MYO18B: variants seen among roughly 807,000 people sequenced by gnomAD.
MYO18B encodes unconventional myosin-XVIIIb.
In MYO18B, 204 loss-of-function variants were observed where a neutral mutation model predicts 273.0. That is an observed-to-expected ratio of 0.75 (90% confidence interval 0.67 to 0.84). The LOEUF is 0.84. MYO18B is among the 40% of genes least tolerant of loss of function. MYO18B has a pLI of 0.00. For synonymous variants in MYO18B, 1,330 were observed against 1,305.7 expected (o/e 1.02, Z -0.40); for missense variants, 3,212 against 3,287.6 (o/e 0.98, Z 0.56).
intron 12 of MYO18B, among the ~76,000 whole-genome samples, chr22:25,822,676 G>C (rs1178699956): frequency 1.3e-5 from 2 of 152,218 alleles, no homozygotes; most frequent in Non-Finnish European, 2.9e-5. Context: ...AAAGAAGGAA[G>C]AGGTTTATTT....
chr22:26,022,619 A>G (rs1340747911), intron 42 of MYO18B, among the ~76,000 whole-genome samples: 1 of 150,912 alleles, frequency 6.6e-6, no homozygotes, highest in Non-Finnish European at 1.5e-5. Flanking sequence ...CTCGACCCCT[A>G]CTGCTCCTCT....
intron 35 of MYO18B, among the ~76,000 whole-genome samples, chr22:25,946,981 G>T (rs766313963): frequency 3.3e-5 from 5 of 152,114 alleles, no homozygotes; most frequent in Non-Finnish European, 7.4e-5. Flanking sequence ...GGTGTACAGG[G>T]TTGGCTTAGA....
At chr22:25,990,686 C>CAAAAAAAAAAAAAAAAAAAAA (rs745998234) in intron 39 of MYO18B, among the ~76,000 whole-genome samples, 5 of 27,038 alleles carry the variant, frequency 1.8e-4, no homozygotes, top group Admixed American at 9.5e-4. Context: ...GACTTTGTCT[C>CAAAAAAAAAAAAAAAAAAAAA]AAAAAAAAAA....
intron 35 of MYO18B, among the ~76,000 whole-genome samples, chr22:25,946,610 T>C (rs529394603): frequency 6.6e-6 from 1 of 152,304 alleles, no homozygotes; most frequent in African/African-American, 2.4e-5. Flanking sequence ...CTCAGTGCTG[T>C]GAATGTGCAT....
At chr22:25,964,295 A>G (rs1164442396) in intron 39 of MYO18B, 1 of 152,132 alleles carries the variant, frequency 6.6e-6, no homozygotes, top group Non-Finnish European at 1.5e-5. Flanking sequence ...TTTGAGCCTC[A>G]CCGTTGGAGG....
intron 39 of MYO18B, among the ~76,000 whole-genome samples, chr22:25,989,283 A>G (rs1031182260): frequency 6.6e-6 from 1 of 152,180 alleles, no homozygotes; most frequent in African/African-American, 2.4e-5. Flanking sequence ...CAGACAGGTC[A>G]TTTGGTTAGA....
intron 39 of MYO18B, among the ~76,000 whole-genome samples, chr22:25,979,524 TG>T (rs1015396680): frequency 2.6e-5 from 4 of 152,122 alleles, no homozygotes; most frequent in Admixed American, 6.6e-5. Flanking sequence ...TGTTTGCATC[TG>T]GGGGTTTTGT....
intron 40 of MYO18B, among the ~76,000 whole-genome samples, chr22:26,000,470 C>A (rs1336366269): frequency 2.6e-5 from 4 of 151,970 alleles, no homozygotes; most frequent in African/African-American, 9.7e-5. Context: ...TTTCCAGGAC[C>A]AATAACCTGT....
At chr22:26,031,872 T>C (rs58463868), downstream of MYO18B, among the ~76,000 whole-genome samples, 8 of 152,080 alleles carry the variant, frequency 5.3e-5, no homozygotes, top group Admixed American at 2.6e-4. Flanking sequence ...CTCCCACTTA[T>C]TGAATCCACC....
At chr22:25,921,474 C>A in intron 34 of MYO18B, 65 bp downstream of exon 34, 1 of 1,534,322 alleles carries the variant, frequency 6.5e-7, no homozygotes, top group South Asian at 1.2e-5. Flanking sequence ...CAGAGAATTG[C>A]TGTCCCTCCC....
At chr22:26,022,506 A>G (rs1601854140) in intron 42 of MYO18B, among the ~76,000 whole-genome samples, 5 of 152,292 alleles carry the variant, frequency 3.3e-5, no homozygotes, top group Admixed American at 3.3e-4. Flanking sequence ...GCAGACAGGA[A>G]GTAGAAAAAG....
At chr22:26,044,738 C>G in the MYO18B span, among the ~76,000 whole-genome samples, 56,582 of 152,144 alleles carry the variant, frequency 0.37, 15,968 homozygotes, top group African/African-American at 0.79. Context: ...AAGACTCTCA[C>G]TTCTGACGTG....
chr22:25,876,238 TC>T lies in MYO18B; in HGVS notation c.4131del (p.Ala1378GlnfsTer37). The T allele has an allele frequency of 1.9e-6, 3 of 1,613,574 alleles. No individual in the cohort carries two copies. The highest frequency in any genetic ancestry group is 1.1e-5 in the South Asian group (1 of 90,952). On this transcript the variant is annotated frameshift_variant, in exon 24 of 44. Transcript: ENST00000335473. LOFTEE classifies it high-confidence loss of function. Reference protein sequence around the residue: ...QCIQKNVAVFLAVKDWPWWQL... With the variant: ...QCIQKNVAVFXAVKDWPWWQL... Reference sequence around the variant, plus strand: ...ATCCAGAAGAATGTGGCTGTGTTCCTCGCAGTCAAGGACTGGCCATGGTGGC... The same window carrying T: ...ATCCAGAAGAATGTGGCTGTGTTCCTGCAGTCAAGGACTGGCCATGGTGGC...
downstream of MYO18B, among the ~76,000 whole-genome samples, chr22:26,033,962 T>C (rs1936727042): frequency 6.6e-6 from 1 of 151,848 alleles, no homozygotes; most frequent in Non-Finnish European, 1.5e-5. Context: ...TCTTCTCTTT[T>C]TCTTTTTTTG....
chr22:25,746,418 T>C (rs1161874199), intron 1 of MYO18B, among the ~76,000 whole-genome samples: 1 of 152,230 alleles, frequency 6.6e-6, no homozygotes, highest in Non-Finnish European at 1.5e-5. Flanking sequence ...TAGACCAGTG[T>C]CAGCGTAGAC....
At chr22:25,974,243 G>A (rs1349099350) in intron 39 of MYO18B, among the ~76,000 whole-genome samples, 1 of 152,136 alleles carries the variant, frequency 6.6e-6, no homozygotes, top group African/African-American at 2.4e-5. Context: ...CTAGAACTTT[G>A]ATATATAAGA....
intron 39 of MYO18B, among the ~76,000 whole-genome samples, chr22:25,968,344 G>T (rs713777): frequency 2.3e-3 from 343 of 152,280 alleles, no homozygotes; most frequent in Admixed American, 3.6e-3. Context: ...TAGAAGAATA[G>T]ATTCCCCCAA....
intron 31 of MYO18B, among the ~76,000 whole-genome samples, chr22:25,906,441 A>C (rs1053215713): frequency 3.9e-5 from 6 of 152,158 alleles, no homozygotes; most frequent in African/African-American, 1.4e-4. Context: ...GACGTACACT[A>C]TCCTTTTGCT....
At chr22:25,746,179 A>G (rs528757330) in intron 1 of MYO18B, among the ~76,000 whole-genome samples, 1 of 152,328 alleles carries the variant, frequency 6.6e-6, no homozygotes, top group East Asian at 1.9e-4. Flanking sequence ...TAATCCACTG[A>G]TGATCAAGGC....
Sources: gnomAD v4.1 joint callset for allele counts (sites outside exome capture counted in the v4.1 genomes callset) on GRCh38, gnomAD v4.1.1 for gene constraint, MANE v1.5 for transcripts, NCBI Gene and HGNC (gene_info 2026-07-23, HGNC 2026-07-21) for gene names.